Variants in CATSPER2 observed in about 807,000 individuals in gnomAD.
The protein encoded by CATSPER2 is cation channel sperm associated 2, also known as cation channel sperm-associated protein 2.
A neutral mutation model predicts 68.8 loss-of-function variants in CATSPER2; 56 were observed. The ratio of observed to expected loss-of-function variants is 0.81; its 90% CI spans 0.66 to 1.02. The LOEUF (loss-of-function observed/expected upper bound fraction) is 1.02, where lower values mean the gene tolerates loss of function less well. Ranked by LOEUF, CATSPER2 falls within the 50% of genes least tolerant of loss-of-function variation. The pLI, the probability that CATSPER2 is intolerant of heterozygous loss-of-function variation, is 0.00. For missense variants in CATSPER2, 582 were observed against 642.0 expected, an observed-to-expected ratio of 0.91 and a Z score of 1.01; for synonymous variants, 198 against 229.9, an observed-to-expected ratio of 0.86 and a Z score of 1.26.
In CATSPER2 at chr15:43,647,428, T is replaced by A; in HGVS notation, c.185A>T (p.His62Leu). 1 of 1,613,618 alleles carries A rather than the reference T, an allele frequency of 6.2e-7. No homozygotes were observed. The change falls in exon 3 of 13, where the codon CAC becomes CTC. Residue 62 changes from histidine to leucine, a missense_variant. Coordinates refer to ENST00000396879, the MANE Select transcript of CATSPER2 (RefSeq NM_172095.4). ...CTTTATAGAGAAACGCACTAGCTGGTGTTGATCTCCCAATACAAGTTTCTT... is the reference window on the plus strand; with the variant it reads ...CTTTATAGAGAAACGCACTAGCTGGAGTTGATCTCCCAATACAAGTTTCTT... ...RQKKLVLGDQ[H>L]QLVRFSIKPQ...
At position 43,631,481 on chromosome 15, in the gene CATSPER2, G is replaced by A. The variant is rs189823356; in HGVS notation, c.1561+718C>T. ...CCTGACCTTGTGATCTGCCCGCCTC[G>A]GCCTCCCAAAGTGCTGGGATTACAG... On this transcript the variant is annotated intron_variant, in intron 12 of 12. Transcript: ENST00000396879. 3.5e-3 allele frequency: 1,009 copies of A among 285,096 alleles called. 13 individuals carry two copies. Among genetic ancestry groups the A allele is most frequent in the Middle Eastern group, 8.1e-3 (14 of 1,726 alleles). The allele number at this position is 285,096 out of a possible 1,614,324, so 17.7% of individuals were successfully genotyped here.
intron 2 of CATSPER2, 115 bp from the exon 3 acceptor site, chr15:43,647,582 C>T (rs1404672133): frequency 6.2e-6 from 6 of 971,246 alleles, no homozygotes; most frequent in Admixed American, 1.7e-5. Flanking sequence ...TACTGCTAGT[C>T]CTTCTCTTCT....
In CATSPER2 at chr15:43,640,090, G is replaced by A. The variant is rs1595979030; in HGVS notation, c.561+234C>T. 2.8e-6 allele frequency: 4 copies of A among 1,439,352 alleles called. 1 individual carries two copies. The highest frequency in any genetic ancestry group is 3.7e-6 in the Non-Finnish European group (4 of 1,095,340). The allele number at this position is 1,439,352 out of a possible 1,614,324, so 89.2% of individuals were successfully genotyped here. A position where few individuals can be genotyped will look rare whatever the true frequency, so the allele number is the denominator to read the frequency against. On this transcript the variant is annotated intron_variant, in intron 5 of 12. Coordinates refer to ENST00000396879, the MANE Select transcript of CATSPER2 (RefSeq NM_172095.4). The stretch of plus-strand genomic sequence containing the variant: ...TAAAATAATGCTTGGCACTTAGTAA[G>A]TGCTCAGTAACCGGCAGATGCTCTT...
At chr15:43,631,418 A>T (rs2085869340) in intron 12 of CATSPER2, 1 of 199,108 alleles carries the variant, frequency 5.0e-6, no homozygotes, top group Non-Finnish European at 1.2e-5. Context: ...TTTAGTAGAG[A>T]CAGGGTCTCA....
chr15:43,644,172 A>G (rs2086120281), intron 4 of CATSPER2, among the ~76,000 whole-genome samples: 1 of 151,990 alleles, frequency 6.6e-6, no homozygotes, highest in African/African-American at 2.4e-5. Context: ...GATTTTTTTA[A>G]AGCCCTAACA....
chr15:43,642,332 T>G (rs1051039976), intron 4 of CATSPER2: 1 of 151,926 alleles, frequency 6.6e-6, no homozygotes, highest in Admixed American at 6.6e-5. Flanking sequence ...TCTCTAGACC[T>G]CGTGATCTGC....
intron 10 of CATSPER2, 45 bp from the exon 11 acceptor site, chr15:43,632,979 A>G (rs752432368): frequency 2.0e-6 from 3 of 1,509,262 alleles, no homozygotes; most frequent in East Asian, 2.3e-5. Context: ...ACAAGATATG[A>G]CTAGTCCACT....
Position 43,648,622 on chromosome 15 carries a change from G to A in CATSPER2, c.-3+7C>T. 2.2e-6 allele frequency: 3 copies of A among 1,388,102 alleles called. No individual in the cohort carries two copies. The highest frequency in any genetic ancestry group is 2.8e-6 in the Non-Finnish European group (3 of 1,075,398). 86.0% of individuals were successfully genotyped at this position (1,388,102 alleles called of 1,614,324 possible). ...TTCTCTCCTCCATTCTCGCTTCTGG[G>A]CCTCACCTCAGCCCAGGTTCTCTTT... On this transcript the variant is annotated splice_region_variant and intron_variant, in intron 1 of 12. Coordinates refer to ENST00000396879, the MANE Select transcript of CATSPER2 (RefSeq NM_172095.4).
intron 3 of CATSPER2, 26 bp from the exon 4 acceptor site, chr15:43,647,144 G>C (rs757304448): frequency 1.9e-6 from 3 of 1,596,256 alleles, no homozygotes; most frequent in African/African-American, 2.7e-5. Context: ...GAAATGTACA[G>C]AGTGGAGTTC....
At chr15:43,641,501 A>G (rs1167277497) in intron 4 of CATSPER2, among the ~76,000 whole-genome samples, 1 of 146,156 alleles carries the variant, frequency 6.8e-6, no homozygotes, top group African/African-American at 2.7e-5. Context: ...GAATGGATGT[A>G]TGCCATACCC....
At chr15:43,645,604 T>G (rs1595983901) in intron 4 of CATSPER2, among the ~76,000 whole-genome samples, 1 of 151,676 alleles carries the variant, frequency 6.6e-6, no homozygotes, top group Admixed American at 6.6e-5. Context: ...CTGGGCAACA[T>G]AGTGAGACCC....
At chr15:43,647,729 G>A (rs1039384533) in intron 2 of CATSPER2, among the ~76,000 whole-genome samples, 188 bp downstream of exon 2, 1 of 151,910 alleles carries the variant, frequency 6.6e-6, no homozygotes, top group African/African-American at 2.4e-5. Context: ...AATCATCCAT[G>A]GCTAGTGGCT....
At chr15:43,647,608 T>C in intron 2 of CATSPER2, 141 bp from the exon 3 acceptor site, 1 of 849,928 alleles carries the variant, frequency 1.2e-6, no homozygotes, top group East Asian at 2.4e-5. Context: ...CAACTAAGAA[T>C]TCTGTTTGGA....
intron 12 of CATSPER2, 137 bp downstream of exon 12, chr15:43,632,062 T>C (rs1885573798): frequency 2.1e-6 from 2 of 942,104 alleles, no homozygotes; most frequent in African/African-American, 3.3e-5. Flanking sequence ...CCAAGAATTT[T>C]AGTTTCTGCC....
chr15:43,635,151 G>A (rs1343538196), intron 10 of CATSPER2: 1 of 625,342 alleles, frequency 1.6e-6, no homozygotes, highest in South Asian at 1.9e-5. Flanking sequence ...CCTTAACTTA[G>A]GATCTTTTTT....
intron 5 of CATSPER2, 139 bp downstream of exon 5, chr15:43,640,185 A>G: frequency 1.9e-6 from 3 of 1,563,918 alleles, no homozygotes; most frequent in African/African-American, 1.4e-5. Context: ...ATTGATGTTT[A>G]GTTTTAGGGA....
intron 12 of CATSPER2, among the ~76,000 whole-genome samples, chr15:43,630,970 A>C (rs1421564806): frequency 6.6e-6 from 1 of 152,010 alleles, no homozygotes; most frequent in Non-Finnish European, 1.5e-5. Flanking sequence ...ATAAGTGGGA[A>C]GTCAGGGCTA....
intron 4 of CATSPER2, among the ~76,000 whole-genome samples, chr15:43,643,963 C>G (rs2086116357): frequency 6.6e-6 from 1 of 151,974 alleles, no homozygotes; most frequent in Admixed American, 6.6e-5. Flanking sequence ...ATCCTGCCAC[C>G]TCAGCCTCCC....
At chr15:43,632,479 G>T in intron 11 of CATSPER2, 116 bp from the exon 12 acceptor site, 2 of 1,444,104 alleles carry the variant, frequency 1.4e-6, no homozygotes, top group East Asian at 4.7e-5. Context: ...CAGGAAGCAA[G>T]GAGGGAAAGG....
Sources: allele counts gnomAD v4.1 joint callset (sites outside exome capture counted in the v4.1 genomes callset), GRCh38; gene constraint gnomAD v4.1.1; transcripts MANE v1.5; gene names NCBI Gene and HGNC (gene_info 2026-07-23, HGNC 2026-07-21).